Variants in CEMIP observed in about 807,000 individuals in gnomAD.
CEMIP encodes cell migration inducing hyaluronidase 1.
Under a neutral mutation model 156.9 loss-of-function variants are expected in CEMIP, and 105 were observed. The observed-to-expected ratio is 0.67, with a 90% CI of 0.57 to 0.79. CEMIP has a LOEUF of 0.79. CEMIP is among the 30% of genes least tolerant of loss of function. The pLI is 0.00. For synonymous variants in CEMIP, 676 were observed against 668.4 expected, an observed-to-expected ratio of 1.01 and a Z score of -0.17; for missense variants, 1,457 against 1,769.4, an observed-to-expected ratio of 0.82 and a Z score of 3.17.
At chr15:80,915,641 A>G (rs1900242102) in intron 14 of CEMIP, among the ~76,000 whole-genome samples, 2 of 152,130 alleles carry the variant, frequency 1.3e-5, no homozygotes, top group African/African-American at 4.8e-5. Flanking sequence ...GTCCCTCTAT[A>G]GACCAAACGC....
intron 11 of CEMIP, among the ~76,000 whole-genome samples, chr15:80,895,586 T>C (rs970436399): frequency 6.6e-6 from 1 of 152,138 alleles, no homozygotes; most frequent in African/African-American, 2.4e-5. Flanking sequence ...TTGTTTTACA[T>C]CTTGAGCAAA....
chr15:80,801,581 G>A (rs748248865), intron 1 of CEMIP, among the ~76,000 whole-genome samples: 9 of 152,230 alleles, frequency 5.9e-5, no homozygotes, highest in African/African-American at 2.2e-4. Flanking sequence ...TCAAGGGGAG[G>A]AGATTTAGAC....
intron 1 of CEMIP, among the ~76,000 whole-genome samples, chr15:80,781,915 C>G (rs558991676): frequency 6.6e-6 from 1 of 152,130 alleles, no homozygotes; most frequent in Non-Finnish European, 1.5e-5. Flanking sequence ...CATCCCTTTG[C>G]CCTCTCTCTT....
intron 1 of CEMIP, among the ~76,000 whole-genome samples, chr15:80,836,547 C>T (rs1489997799): frequency 1.3e-5 from 2 of 151,958 alleles, no homozygotes; most frequent in African/African-American, 2.4e-5. Flanking sequence ...CTTCCTCAAA[C>T]GTTTCTGTTT....
intron 1 of CEMIP, among the ~76,000 whole-genome samples, chr15:80,814,398 C>A (rs938632852): frequency 6.6e-6 from 1 of 152,182 alleles, no homozygotes; most frequent in Admixed American, 6.5e-5. Context: ...GCCACCATCT[C>A]CAGCTCAGCC....
At chr15:80,802,551 C>T (rs1463591745) in intron 1 of CEMIP, among the ~76,000 whole-genome samples, 1 of 152,210 alleles carries the variant, frequency 6.6e-6, no homozygotes, top group Non-Finnish European at 1.5e-5. Context: ...GGTCTCATCG[C>T]TTTTAAAATA....
chr15:80,842,519 A>G (rs12324500), intron 1 of CEMIP, among the ~76,000 whole-genome samples: 5,660 of 152,088 alleles, frequency 0.037, 318 homozygotes, highest in African/African-American at 0.12. Context: ...ATCACCAGAA[A>G]TCAGGAGTTT....
At chr15:80,897,159 A>G in intron 12 of CEMIP, 1 of 397,690 alleles carries the variant, frequency 2.5e-6, no homozygotes, top group South Asian at 1.8e-5. Flanking sequence ...TGTTAAACGT[A>G]TCACATGCTA....
intron 1 of CEMIP, among the ~76,000 whole-genome samples, chr15:80,857,327 G>A (rs781534243): frequency 1.3e-5 from 2 of 152,218 alleles, no homozygotes; most frequent in Non-Finnish European, 2.9e-5. Flanking sequence ...TTGTGTGTCC[G>A]AGCCTAAGGG....
At chr15:80,928,363 T>C (rs1673765718) in intron 19 of CEMIP, among the ~76,000 whole-genome samples, 1 of 152,096 alleles carries the variant, frequency 6.6e-6, no homozygotes, top group South Asian at 2.1e-4. Context: ...CCCAGAGCAA[T>C]TGCAAAATGA....
intron 1 of CEMIP, among the ~76,000 whole-genome samples, chr15:80,796,312 C>T (rs1247673203): frequency 6.6e-6 from 1 of 152,124 alleles, no homozygotes; most frequent in African/African-American, 2.4e-5. Context: ...AGTAGCTTCT[C>T]TTTGTGGATT....
At chr15:80,801,495 G>A (rs56102349) in intron 1 of CEMIP, among the ~76,000 whole-genome samples, 54,231 of 152,116 alleles carry the variant, frequency 0.36, 10,770 homozygotes, top group Non-Finnish European at 0.46. Context: ...GGCCTCTGGA[G>A]GCCTGGATCT....
chr15:80,915,714 C>G (rs9806321), intron 14 of CEMIP, among the ~76,000 whole-genome samples: 6 of 152,158 alleles, frequency 3.9e-5, no homozygotes, highest in Admixed American at 3.9e-4. Context: ...TCCTCATTCT[C>G]CCATCCTCCT....
intron 12 of CEMIP, among the ~76,000 whole-genome samples, chr15:80,897,689 T>C (rs1365823361): frequency 6.6e-6 from 1 of 152,144 alleles, no homozygotes. Context: ...GGTTTCAGGG[T>C]ATCTTACCAT....
chr15:80,851,215 C>T (rs937918134), intron 1 of CEMIP, among the ~76,000 whole-genome samples: 3 of 152,134 alleles, frequency 2.0e-5, no homozygotes, highest in African/African-American at 4.8e-5. Flanking sequence ...CTGGGGTCAC[C>T]GCAACTCCAC....
chr15:80,867,632 C>T (rs964407480), intron 1 of CEMIP, among the ~76,000 whole-genome samples: 1 of 152,218 alleles, frequency 6.6e-6, no homozygotes, highest in Non-Finnish European at 1.5e-5. Flanking sequence ...GTGCTGATGG[C>T]AAGCCCTCTG....
intron 10 of CEMIP, among the ~76,000 whole-genome samples, chr15:80,891,679 T>C (rs1899036894): frequency 2.0e-5 from 3 of 152,026 alleles, no homozygotes; most frequent in Admixed American, 1.3e-4. Context: ...AAGATAAGAG[T>C]CATGTGCCTC....
At chr15:80,902,608 G>C (rs1416547579) in intron 12 of CEMIP, among the ~76,000 whole-genome samples, 1 of 152,192 alleles carries the variant, frequency 6.6e-6, no homozygotes, top group African/African-American at 2.4e-5. Flanking sequence ...CAGCCGGGAA[G>C]ACGGCTGTGG....
intron 12 of CEMIP, among the ~76,000 whole-genome samples, chr15:80,899,525 A>G (rs1412134645): frequency 6.6e-6 from 1 of 152,192 alleles, no homozygotes; most frequent in African/African-American, 2.4e-5. Context: ...CTGAGACAGA[A>G]TAGAAGCTAC....
Sources: allele counts gnomAD v4.1 joint callset (sites outside exome capture counted in the v4.1 genomes callset), GRCh38; gene constraint gnomAD v4.1.1; transcripts MANE v1.5; gene names NCBI Gene and HGNC (gene_info 2026-07-23, HGNC 2026-07-21).